DTNA: variants seen among roughly 807,000 people sequenced by gnomAD.
DTNA encodes dystrophin-related protein 3.
A neutral mutation model predicts 100.7 loss-of-function variants in DTNA; 43 were observed. The ratio of observed to expected loss-of-function variants is 0.43; its 90% CI spans 0.33 to 0.55. The LOEUF is 0.55. Ranked by LOEUF, DTNA falls within the 20% of genes least tolerant of loss-of-function variation. DTNA has a pLI of 0.04. For synonymous variants in DTNA, 349 were observed against 347.9 expected (o/e 1.00, Z -0.04); for missense variants, 798 against 953.9 (o/e 0.84, Z 2.15).
intron 4 of DTNA, among the ~76,000 whole-genome samples, chr18:34,796,049 G>T (rs117358586): frequency 6.6e-6 from 1 of 152,314 alleles, no homozygotes; most frequent in East Asian, 1.9e-4. Flanking sequence ...CCTATTCTTC[G>T]TATAGATAGG....
At chr18:34,790,939 A>G (rs2094712521) in intron 3 of DTNA, among the ~76,000 whole-genome samples, 1 of 152,146 alleles carries the variant, frequency 6.6e-6, no homozygotes, top group African/African-American at 2.4e-5. Context: ...CCCAGAAAGT[A>G]AATCTCCCTG....
chr18:34,597,941 C>T (rs983306507), intron 1 of DTNA, among the ~76,000 whole-genome samples: 6 of 152,114 alleles, frequency 3.9e-5, no homozygotes, highest in Admixed American at 2.6e-4. Flanking sequence ...GTGTCTTACT[C>T]GCTTTTTTAT....
At chr18:34,866,638 C>G (rs1444243968) in intron 17 of DTNA, 1 of 1,010,574 alleles carries the variant, frequency 9.9e-7, no homozygotes, top group Non-Finnish European at 1.2e-6. Context: ...GCAATTAAAT[C>G]CCTTTTCATC....
intron 1 of DTNA, among the ~76,000 whole-genome samples, chr18:34,562,778 C>A (rs1015342450): frequency 1.3e-5 from 2 of 152,122 alleles, no homozygotes; most frequent in African/African-American, 4.8e-5. Context: ...TTGTGAAGAA[C>A]ACTAAAGTTA....
chr18:34,741,890 G>A (rs2090717767), intron 1 of DTNA, among the ~76,000 whole-genome samples: 1 of 152,196 alleles, frequency 6.6e-6, no homozygotes, highest in Non-Finnish European at 1.5e-5. Context: ...CCAAAGGTCA[G>A]TTAGACTGAC....
intron 1 of DTNA, among the ~76,000 whole-genome samples, chr18:34,720,369 A>G (rs2085025072): frequency 1.3e-5 from 2 of 152,196 alleles, no homozygotes. Flanking sequence ...AGATACTTAA[A>G]CATTGTAGAT....
In DTNA at chr18:34,889,574, C is replaced by A. The variant is rs1385531224; in HGVS notation, c.*1840C>A. On this transcript the variant is annotated 3_prime_UTR_variant, in exon 23 of 23. Transcript: ENST00000444659. ...GTAGTTGGTAGGTGCCCAGCCAAGT[C>A]CTGACATCTTCATGCCCCCTCTGCA... 7 of 985,264 alleles carry A rather than the reference C, an allele frequency of 7.1e-6. No individual in the cohort carries two copies. Among genetic ancestry groups the A allele is most frequent in the Non-Finnish European group, 7.2e-6 (6 of 829,942 alleles). The allele number at this position is 985,264 out of a possible 1,614,324, so 61.0% of individuals were successfully genotyped here. A position where few individuals can be genotyped will look rare whatever the true frequency, so the allele number is the denominator to read the frequency against.
intron 16 of DTNA, among the ~76,000 whole-genome samples, chr18:34,862,425 A>G (rs1294046222): frequency 6.6e-6 from 1 of 151,442 alleles, no homozygotes; most frequent in African/African-American, 2.4e-5. Context: ...AAAAATTTAT[A>G]TTTTATAGTT....
chr18:34,749,445 A>G (rs766955406), intron 1 of DTNA, among the ~76,000 whole-genome samples: 3 of 152,048 alleles, frequency 2.0e-5, no homozygotes, highest in Non-Finnish European at 4.4e-5. Flanking sequence ...AGAAACTCTT[A>G]GTATAAATGC....
At chr18:34,872,838 AGATGGAAGCGTATGATG>A in intron 17 of DTNA, among the ~76,000 whole-genome samples, 1 of 152,200 alleles carries the variant, frequency 6.6e-6, no homozygotes, top group Non-Finnish European at 1.5e-5. Context: ...AGTGAAGCAT[AGATGGAAGCGTATGATG>A]GCTGGTCACA....
Position 34,889,272 on chromosome 18 carries a change from T to G in DTNA, c.*1538T>G. 2.0e-6 allele frequency: 2 copies of G among 984,428 alleles called. No homozygotes were observed. The highest frequency in any genetic ancestry group is 1.2e-6 in the Non-Finnish European group (1 of 829,072). 61.0% of individuals were successfully genotyped at this position (984,428 alleles called of 1,614,324 possible). A position where few individuals can be genotyped will look rare whatever the true frequency, so the allele number is the denominator to read the frequency against. On this transcript the variant is annotated 3_prime_UTR_variant, in exon 23 of 23. Coordinates refer to ENST00000444659, the MANE Select transcript of DTNA (RefSeq NM_001386795.1). ...AAGTGTGTTCCCCGGACAAGCAGCA[T>G]CTGCAACACTTAGGAAGGTCTTCGA...
chr18:34,878,809 T>C (rs1222999470), intron 19 of DTNA, among the ~76,000 whole-genome samples: 1 of 152,182 alleles, frequency 6.6e-6, no homozygotes. Context: ...TACATCTCCA[T>C]CTATTCCTTA....
At chr18:34,853,365 T>G (rs189467490) in intron 15 of DTNA, among the ~76,000 whole-genome samples, 133 of 152,328 alleles carry the variant, frequency 8.7e-4, no homozygotes, top group Admixed American at 2.0e-3. Flanking sequence ...AATTATTTCA[T>G]GCCTGTAAAA....
At chr18:34,786,808 A>G (rs2094525192) in intron 3 of DTNA, among the ~76,000 whole-genome samples, 1 of 152,190 alleles carries the variant, frequency 6.6e-6, no homozygotes, top group Non-Finnish European at 1.5e-5. Flanking sequence ...CTTCTAAAAT[A>G]ATATGTATAT....
At chr18:34,799,893 C>A (rs79176334) in intron 4 of DTNA, among the ~76,000 whole-genome samples, 10,257 of 152,220 alleles carry the variant, frequency 0.067, 441 homozygotes, top group Middle Eastern at 0.11. Flanking sequence ...AAACCCCTAG[C>A]AAACTCACCT....
intron 4 of DTNA, among the ~76,000 whole-genome samples, chr18:34,801,513 C>CTTT (rs555362184): frequency 7.1e-6 from 1 of 140,402 alleles, no homozygotes; most frequent in African/African-American, 2.6e-5. Context: ...AATAAAATAA[C>CTTT]TTTTTTTTTT....
intron 1 of DTNA, among the ~76,000 whole-genome samples, chr18:34,562,241 T>G (rs2046706426): frequency 6.6e-6 from 1 of 152,222 alleles, no homozygotes; most frequent in East Asian, 1.9e-4. Context: ...CACATACATC[T>G]TTAAATAAAT....
intron 1 of DTNA, among the ~76,000 whole-genome samples, chr18:34,669,317 T>C (rs1179675616): frequency 6.6e-6 from 1 of 152,214 alleles, no homozygotes; most frequent in Non-Finnish European, 1.5e-5. Flanking sequence ...AGCCTATGTG[T>C]GTCTCTGCAC....
intron 1 of DTNA, among the ~76,000 whole-genome samples, chr18:34,498,972 C>T (rs999147503): frequency 5.3e-5 from 8 of 152,044 alleles, no homozygotes; most frequent in African/African-American, 1.7e-4. Flanking sequence ...ATACAGAGAT[C>T]CCATGGTCCC....
Sources: allele counts gnomAD v4.1 joint callset (sites outside exome capture counted in the v4.1 genomes callset), GRCh38; gene constraint gnomAD v4.1.1; transcripts MANE v1.5; gene names NCBI Gene and HGNC (gene_info 2026-07-23, HGNC 2026-07-21).